The following ALDH1L2 variants were observed in gnomAD, a reference collection of about 807,000 sequenced individuals.
ALDH1L2 encodes mitochondrial 10-formyltetrahydrofolate dehydrogenase.
A neutral mutation model predicts 111.0 loss-of-function variants in ALDH1L2; 91 were observed. That is an observed-to-expected ratio of 0.82 (90% confidence interval 0.69 to 0.98). The LOEUF is 0.98. ALDH1L2 is among the 50% of genes least tolerant of loss of function. The probability of loss-of-function intolerance (pLI) is 0.00; values close to 1 mark genes in which losing one functional copy is unlikely to be tolerated. For synonymous variants in ALDH1L2, 374 were observed against 392.6 expected (o/e 0.95, Z 0.56); for missense variants, 995 against 1,126.8 (o/e 0.88, Z 1.67).
chr12:105,079,341 C>T (rs972626521), intron 1 of ALDH1L2, among the ~76,000 whole-genome samples: 2 of 152,180 alleles, frequency 1.3e-5, no homozygotes. Flanking sequence ...GCTTGCGCAA[C>T]TTGATGTTCC....
chr12:105,043,921 G>A (rs1460116617), intron 15 of ALDH1L2, among the ~76,000 whole-genome samples: 1 of 152,174 alleles, frequency 6.6e-6, no homozygotes, highest in African/African-American at 2.4e-5. Flanking sequence ...TATGAAGCCA[G>A]GAGAGAATCT....
intron 7 of ALDH1L2, 56 bp from the exon 8 acceptor site, chr12:105,061,808 T>C: frequency 6.2e-7 from 1 of 1,606,436 alleles, no homozygotes; most frequent in Non-Finnish European, 8.5e-7. Flanking sequence ...AATACAAAAG[T>C]GAGGCTGGTG....
rs776027453 is a variant in ALDH1L2 at position 105,061,769 on chromosome 12, A to C, written c.922-17T>G. 6 of 1,613,908 alleles carry C rather than the reference A, an allele frequency of 3.7e-6. No homozygotes were observed. Among genetic ancestry groups the C allele is most frequent in the African/African-American group, 1.3e-5 (1 of 75,058 alleles). On this transcript the variant is annotated splice_polypyrimidine_tract_variant and intron_variant, in intron 7 of 22. Transcript: ENST00000258494. ...CACCGTCAGCTACAAAATAGCAACA[A>C]AACAAGCATAAAAATTGAGGATTGA...
At chr12:105,063,858 T>G (rs1877169612) in intron 6 of ALDH1L2, among the ~76,000 whole-genome samples, 1 of 152,156 alleles carries the variant, frequency 6.6e-6, no homozygotes, top group African/African-American at 2.4e-5. Flanking sequence ...ACTTCTAGGA[T>G]GATCAGCTAT....
chr12:105,050,555 C>A, intron 12 of ALDH1L2: 1 of 367,236 alleles, frequency 2.7e-6, no homozygotes, highest in Non-Finnish European at 5.4e-6. Flanking sequence ...TACGGTAAGA[C>A]TCATCTTTTG....
At chr12:105,055,546 T>G (rs1209220255) in intron 10 of ALDH1L2, among the ~76,000 whole-genome samples, 1 of 152,040 alleles carries the variant, frequency 6.6e-6, no homozygotes, top group African/African-American at 2.4e-5. Flanking sequence ...CAGGAAAGTA[T>G]GGCCTATAAA....
intron 19 of ALDH1L2, among the ~76,000 whole-genome samples, chr12:105,033,246 T>C (rs943416301): frequency 1.3e-5 from 2 of 152,208 alleles, no homozygotes; most frequent in African/African-American, 4.8e-5. Flanking sequence ...TGCTGATGAA[T>C]GAATATGAAC....
At chr12:105,057,978 C>A in intron 10 of ALDH1L2, 95 bp downstream of exon 10, 1 of 1,370,950 alleles carries the variant, frequency 7.3e-7, no homozygotes. Flanking sequence ...TTTTAAAGGT[C>A]ATAAATATAA....
chr12:105,065,439 A>G, intron 5 of ALDH1L2, 83 bp from the exon 6 acceptor site: 5 of 1,133,876 alleles, frequency 4.4e-6, no homozygotes, highest in Non-Finnish European at 5.2e-6. Flanking sequence ...CATCAGAGGC[A>G]GAAACACTTG....
rs16891 is a variant in ALDH1L2 at position 105,021,016 on chromosome 12, G to T, written c.*3408C>A. ...ACACCCCTGGGAAGAGGAAGAATAA[G>T]GACAGAGGCCCTGAGGCAGGAGCAG... On this transcript the variant is annotated 3_prime_UTR_variant, in exon 23 of 23. Coordinates refer to ENST00000258494, the MANE Select transcript of ALDH1L2 (RefSeq NM_001034173.4). The T allele has an allele frequency of 0.079, 12,102 of 152,356 alleles. 549 individuals carry two copies. The highest frequency in any genetic ancestry group is 0.17 in the East Asian group (864 of 5,176). 9.4% of individuals were successfully genotyped at this position (152,356 alleles called of 1,614,324 possible).
chr12:105,040,850 C>T (rs1875488614), intron 15 of ALDH1L2, among the ~76,000 whole-genome samples, 156 bp from the exon 16 acceptor site: 1 of 152,152 alleles, frequency 6.6e-6, no homozygotes, highest in African/African-American at 2.4e-5. Flanking sequence ...CAAAAAGATG[C>T]AAAAATAGTA....
intron 7 of ALDH1L2, among the ~76,000 whole-genome samples, chr12:105,062,470 C>T (rs932097817): frequency 3.9e-5 from 6 of 152,212 alleles, no homozygotes; most frequent in African/African-American, 1.4e-4. Flanking sequence ...TGAGCATAGG[C>T]AGTTTAGGTG....
intron 20 of ALDH1L2, 46 bp downstream of exon 20, chr12:105,031,722 AC>A (rs1874707827): frequency 6.3e-7 from 1 of 1,589,454 alleles, no homozygotes; most frequent in South Asian, 1.1e-5. Flanking sequence ...GTCCATTCCA[AC>A]TGAAGAAGGC....
At chr12:105,080,287 C>A (rs1878276309) in intron 1 of ALDH1L2, among the ~76,000 whole-genome samples, 2 of 152,066 alleles carry the variant, frequency 1.3e-5, no homozygotes, top group African/African-American at 2.4e-5. Context: ...ATGATTTTTG[C>A]CACCCTGATG....
At chr12:105,055,153 T>C (rs901100137) in intron 10 of ALDH1L2, among the ~76,000 whole-genome samples, 5 of 152,184 alleles carry the variant, frequency 3.3e-5, no homozygotes, top group Non-Finnish European at 7.3e-5. Flanking sequence ...TTTGAGGCTC[T>C]GTGCAGGCAG....
chr12:105,037,535 A>G (rs1043759563), intron 18 of ALDH1L2, among the ~76,000 whole-genome samples: 1 of 151,940 alleles, frequency 6.6e-6, no homozygotes, highest in African/African-American at 2.4e-5. Context: ...CCCTAATAGA[A>G]TATCTTTTGA....
chr12:105,034,236 G>T (rs895326013), intron 19 of ALDH1L2, 64 bp downstream of exon 19: 1 of 1,441,952 alleles, frequency 6.9e-7, no homozygotes, highest in African/African-American at 1.4e-5. Flanking sequence ...AATCCTAGAA[G>T]TAGGATTTTT....
Position 105,058,153 on chromosome 12 carries a change from T to C in ALDH1L2, c.1207A>G (p.Thr403Ala). ...QLQNEDVYMA[T>A]KFEGFIQKVV... ...TTTTGGATAAAGCCTTCAAACTTGG[T>C]GGCCATATAGACATCTTCATTCTGC... Residue 403 changes from threonine to alanine, a missense_variant, in exon 10 of 23, where the codon ACC (threonine) becomes GCC (alanine). By Grantham distance (58) the Thr-to-Ala change is moderately conservative. Coordinates refer to ENST00000258494, the MANE Select transcript of ALDH1L2 (RefSeq NM_001034173.4). 6.2e-7 allele frequency: 1 copy of C among 1,613,822 alleles called. No homozygotes were observed. Among genetic ancestry groups the C allele is most frequent in the Non-Finnish European group, 8.5e-7 (1 of 1,179,902 alleles).
chr12:105,030,215 A>G, intron 21 of ALDH1L2, 109 bp downstream of exon 21: 1 of 616,490 alleles, frequency 1.6e-6, no homozygotes, highest in Non-Finnish European at 2.5e-6. Flanking sequence ...TTCTTATGGT[A>G]GAAAATTACA....
Sources: allele counts gnomAD v4.1 joint callset (sites outside exome capture counted in the v4.1 genomes callset), GRCh38; gene constraint gnomAD v4.1.1; transcripts MANE v1.5; gene names NCBI Gene and HGNC (gene_info 2026-07-23, HGNC 2026-07-21).